HTR1D: variants seen among roughly 807,000 people sequenced by gnomAD.
HTR1D encodes the protein 5-hydroxytryptamine receptor 1D, also known as 5-HT-1D.
Under a neutral mutation model 21.1 loss-of-function variants are expected in HTR1D, and 18 were observed. That is an observed-to-expected ratio of 0.85 (90% CI 0.59 to 1.27). The LOEUF (loss-of-function observed/expected upper bound fraction) is 1.27, where lower values mean the gene tolerates loss of function less well. Ranked by LOEUF, HTR1D falls within the 50% of genes most tolerant of loss-of-function variation. The pLI, the probability that HTR1D is intolerant of heterozygous loss-of-function variation, is 0.00. For missense variants in HTR1D, 456 were observed against 481.4 expected, an observed-to-expected ratio of 0.95 and a Z score of 0.49; for synonymous variants, 196 against 204.4, an observed-to-expected ratio of 0.96 and a Z score of 0.35.
intron 1 of HTR1D, among the ~76,000 whole-genome samples, chr1:23,205,984 C>T (rs1283768447): frequency 2.0e-5 from 3 of 152,188 alleles, no homozygotes; most frequent in African/African-American, 7.2e-5. Flanking sequence ...CAATGGTCTC[C>T]CAGCCTCTAC....
intron 1 of HTR1D, among the ~76,000 whole-genome samples, chr1:23,200,979 C>A (rs1472211452): frequency 6.6e-6 from 1 of 152,150 alleles, no homozygotes; most frequent in East Asian, 1.9e-4. Context: ...CCAGCCACAC[C>A]ATGCCTCTCC....
At chr1:23,205,406 G>C (rs1348570375) in intron 1 of HTR1D, among the ~76,000 whole-genome samples, 2 of 152,120 alleles carry the variant, frequency 1.3e-5, no homozygotes, top group African/African-American at 2.4e-5. Flanking sequence ...AAAGTACTCA[G>C]CCAAGTTCAG....
At chr1:23,215,463 T>A (rs1406616751) in intron 1 of HTR1D, among the ~76,000 whole-genome samples, 1 of 152,132 alleles carries the variant, frequency 6.6e-6, no homozygotes, top group Non-Finnish European at 1.5e-5. Flanking sequence ...GTCTGCTGAA[T>A]TCAGCTTCCT....
intron 1 of HTR1D, among the ~76,000 whole-genome samples, chr1:23,206,876 A>G (rs934092073): frequency 1.3e-5 from 2 of 152,154 alleles, no homozygotes; most frequent in Non-Finnish European, 2.9e-5. Context: ...ATACCTGTCT[A>G]TGAAAGGCTC....
At chr1:23,210,244 A>AT (rs1644748775) in intron 1 of HTR1D, among the ~76,000 whole-genome samples, 1 of 152,022 alleles carries the variant, frequency 6.6e-6, no homozygotes, top group Admixed American at 6.6e-5. Context: ...TGCCCGGCTA[A>AT]TTTTTGTAGT....
intron 1 of HTR1D, among the ~76,000 whole-genome samples, chr1:23,204,056 A>G (rs1644720120): frequency 6.6e-6 from 1 of 152,054 alleles, no homozygotes. Flanking sequence ...GCCTTTCACC[A>G]TGATTGTGAG....
At chr1:23,205,387 T>TG (rs1198121213) in intron 1 of HTR1D, among the ~76,000 whole-genome samples, 1 of 151,908 alleles carries the variant, frequency 6.6e-6, no homozygotes. Flanking sequence ...CAATAACCTA[T>TG]GGGAAAAAAA....
intron 1 of HTR1D, among the ~76,000 whole-genome samples, chr1:23,216,950 C>T (rs887866088): frequency 1.3e-5 from 2 of 152,108 alleles, no homozygotes; most frequent in African/African-American, 4.8e-5. Context: ...GCCCGGGGCC[C>T]CTCGGGGGGC....
chr1:23,215,493 T>C (rs1240099132), intron 1 of HTR1D, among the ~76,000 whole-genome samples: 3 of 152,202 alleles, frequency 2.0e-5, no homozygotes, highest in African/African-American at 7.2e-5. Context: ...GGCTGACCCC[T>C]GCCCCTCTGT....
At chr1:23,203,603 G>T (rs1319626501) in intron 1 of HTR1D, among the ~76,000 whole-genome samples, 3 of 152,168 alleles carry the variant, frequency 2.0e-5, no homozygotes, top group Admixed American at 6.6e-5. Context: ...GTTACAGTGA[G>T]CTATGATGGT....
At chr1:23,216,846 G>C (rs546913977) in intron 1 of HTR1D, among the ~76,000 whole-genome samples, 65 of 152,228 alleles carry the variant, frequency 4.3e-4, no homozygotes, top group African/African-American at 1.5e-3. Context: ...GCTCCACACC[G>C]GACCCCCTTC....
In HTR1D at chr1:23,202,800, TG is replaced by T. The variant is rs143977129; in HGVS notation, c.-782-7800del. ...ATTTCATCTCATTCTCTCTCCTGCA[TG>T]GGACCTCCTACAGCCTCAGTTTTCT... On this transcript the variant is annotated intron_variant, in intron 1 of 1. Coordinates refer to ENST00000374619, the MANE Select transcript of HTR1D (RefSeq NM_000864.5). Among the ~76,000 whole-genome samples, 76 of 152,326 alleles carry T rather than the reference TG, an allele frequency of 5.0e-4. 2 individuals carry two copies. Among genetic ancestry groups the T allele is most frequent in the African/African-American group, 1.7e-3 (72 of 41,568 alleles).
At chr1:23,198,360 C>T (rs1218024830) in intron 1 of HTR1D, among the ~76,000 whole-genome samples, 15 of 91,178 alleles carry the variant, frequency 1.6e-4, no homozygotes, top group East Asian at 9.6e-4. Context: ...AGCGAGACTC[C>T]GTCTCAAAAA....
intron 1 of HTR1D, among the ~76,000 whole-genome samples, chr1:23,200,609 AG>A (rs1324343269): frequency 6.6e-6 from 1 of 152,052 alleles, no homozygotes; most frequent in Non-Finnish European, 1.5e-5. Context: ...CCTGGCCTCA[AG>A]TGATCCTTTC....
intron 1 of HTR1D, among the ~76,000 whole-genome samples, chr1:23,204,829 C>T (rs928828590): frequency 3.3e-5 from 5 of 152,172 alleles, no homozygotes; most frequent in Non-Finnish European, 4.4e-5. Context: ...AGAACAGAGC[C>T]TCTCACACAA....
Position 23,192,835 on chromosome 1 carries a change from C to CAA in HTR1D, c.*249_*250dup, listed in dbSNP as rs35477602. The CAA allele has an allele frequency of 0.33, 47,173 of 142,838 alleles. 8,154 individuals carry two copies. The highest frequency in any genetic ancestry group is 0.46 in the African/African-American group (13,893 of 29,934). 8.8% of individuals were successfully genotyped at this position (142,838 alleles called of 1,614,324 possible). ...CTGGCGAGAGGGCAAGACTCCGTCT[C>CAA]AAAAAAAAAAAAAAAGAAAGAAAAT... On this transcript the variant is annotated 3_prime_UTR_variant, in exon 2 of 2. Transcript: ENST00000374619.
Position 23,193,222 on chromosome 1 carries a change from A to T in HTR1D, c.998T>A (p.Ile333Asn). ...GAAGAAGTCAAAGAGCGCCGGGTGGATCCAGCAGGAGTCCCGGCAGATGGG... is the reference window on the plus strand; with the variant it reads ...GAAGAAGTCAAAGAGCGCCGGGTGGTTCCAGCAGGAGTCCCGGCAGATGGG... ...VLPICRDSCWIHPALFDFFTW... is the reference protein window; with the variant it reads ...VLPICRDSCWNHPALFDFFTW... The change falls in exon 2 of 2, where the codon ATC becomes AAC. Residue 333 changes from isoleucine to asparagine, a missense_variant. Ile to Asn is a moderately radical substitution (Grantham distance 149, BLOSUM62 -3). Transcript: ENST00000374619. 1 of 1,614,136 alleles carries T rather than the reference A, an allele frequency of 6.2e-7. No individual in the cohort carries two copies. The highest frequency in any genetic ancestry group is 2.2e-5 in the East Asian group (1 of 44,870).
chr1:23,193,357 C>A lies in HTR1D; in HGVS notation c.863G>T (p.Arg288Leu). ...KIKLADSALE[R>L]KRISAARERK... ...TTCTCGAGCAGCAGAAATCCTCTTG[C>A]GTTCCAGGGCACTGTCAGCAAGCTT... is the stretch of plus-strand genomic sequence containing the variant. The change falls in exon 2 of 2, where the codon CGC becomes CTC. Residue 288 changes from arginine (R) to leucine (L), a missense_variant. Physicochemically the swap from Arg to Leu is moderately radical, Grantham distance 102. Coordinates refer to ENST00000374619, the MANE Select transcript of HTR1D (RefSeq NM_000864.5). The A allele has an allele frequency of 6.2e-7, 1 of 1,614,136 alleles. No individual in the cohort carries two copies. Among genetic ancestry groups the A allele is most frequent in the Non-Finnish European group, 8.5e-7 (1 of 1,180,042 alleles).
intron 1 of HTR1D, among the ~76,000 whole-genome samples, chr1:23,205,887 A>G (rs1569762959): frequency 6.6e-6 from 1 of 151,360 alleles, no homozygotes; most frequent in African/African-American, 2.4e-5. Context: ...TACTGCCCAC[A>G]CCTAACTGTG....
Sources: gnomAD v4.1 joint callset for allele counts (sites outside exome capture counted in the v4.1 genomes callset) on GRCh38, gnomAD v4.1.1 for gene constraint, MANE v1.5 for transcripts, NCBI Gene and HGNC (gene_info 2026-07-23, HGNC 2026-07-21) for gene names.